Variants in LGALS16 observed in about 807,000 individuals in gnomAD.
LGALS16 encodes the protein galectin-16.
Under a neutral mutation model 13.2 loss-of-function variants are expected in LGALS16, and 15 were observed. The ratio of observed to expected loss-of-function variants is 1.13; its 90% confidence interval spans 0.76 to 1.75. LGALS16 has a LOEUF of 1.75. LGALS16 is among the 40% of genes most tolerant of loss of function. The pLI, the probability that LGALS16 is intolerant of heterozygous loss-of-function variation, is 0.00. For synonymous variants in LGALS16, 66 were observed against 65.4 expected (o/e 1.01, Z -0.05); for missense variants, 198 against 178.4 (o/e 1.11, Z -0.63).
At chr19:39,657,980 T>C (rs774741024) in intron 2 of LGALS16, 21 bp downstream of exon 2, 1 of 1,611,510 alleles carries the variant, frequency 6.2e-7, no homozygotes, top group South Asian at 1.1e-5. Context: ...CATGGTCCAA[T>C]GGAGGGGGTG....
At chr19:39,660,291 G>A (rs1377847468) in intron 3 of LGALS16, 104 bp from the exon 4 acceptor site, 1 of 1,121,160 alleles carries the variant, frequency 8.9e-7, no homozygotes, top group Admixed American at 2.2e-5. Flanking sequence ...TGTATAACTA[G>A]GAGTTTTCTT....
In LGALS16 at chr19:39,660,600, C is replaced by A; in HGVS notation, c.*80C>A. 1 of 1,220,890 alleles carries A rather than the reference C, an allele frequency of 8.2e-7. No individual in the cohort carries two copies. Among genetic ancestry groups the A allele is most frequent in the Non-Finnish European group, 1.2e-6 (1 of 866,728 alleles). 75.6% of individuals were successfully genotyped at this position (1,220,890 alleles called of 1,614,324 possible). ...GAGCCTGCTAACAGAATAATCCCTC[C>A]TCAACCCCTTCCCCTACACTTGGTC... On this transcript the variant is annotated 3_prime_UTR_variant, in exon 4 of 4. Coordinates refer to ENST00000392051, the MANE Select transcript of LGALS16 (RefSeq NM_001190441.3).
intron 2 of LGALS16, 65 bp from the exon 3 acceptor site, chr19:39,658,395 G>A (rs968572111): frequency 1.1e-5 from 14 of 1,298,884 alleles, no homozygotes; most frequent in Admixed American, 2.0e-5. Flanking sequence ...GGATTTGTGT[G>A]CGTGTCAAGT....
intron 1 of LGALS16, among the ~76,000 whole-genome samples, chr19:39,656,886 G>A (rs894005407): frequency 1.3e-5 from 2 of 151,816 alleles, no homozygotes; most frequent in Non-Finnish European, 2.9e-5. Flanking sequence ...TGTAAGCTAT[G>A]TCTCAACTGA....
At chr19:39,659,117 T>G (rs925246148) in intron 3 of LGALS16, among the ~76,000 whole-genome samples, 25 of 151,072 alleles carry the variant, frequency 1.7e-4, no homozygotes, top group African/African-American at 5.6e-4. Flanking sequence ...TTTTTTTTTT[T>G]GAGACAGAGA....
chr19:39,656,027 G>T, intron 1 of LGALS16, 51 bp downstream of exon 1: 1 of 1,585,226 alleles, frequency 6.3e-7, no homozygotes, highest in African/African-American at 1.3e-5. Context: ...ACAAAACCAA[G>T]AAAGATGTGG....
intron 1 of LGALS16, 129 bp from the exon 2 acceptor site, chr19:39,657,754 T>A: frequency 2.0e-6 from 2 of 1,001,484 alleles, no homozygotes; most frequent in South Asian, 2.8e-5. Context: ...CTGACTGTGG[T>A]AGAGTGAATG....
intron 1 of LGALS16, among the ~76,000 whole-genome samples, chr19:39,656,299 T>G (rs1020350023): frequency 2.6e-5 from 4 of 152,080 alleles, no homozygotes; most frequent in African/African-American, 7.2e-5. Flanking sequence ...AGGGGGGTGA[T>G]TGTACTTTGT....
chr19:39,657,137 C>A (rs937089946), intron 1 of LGALS16, among the ~76,000 whole-genome samples: 8 of 152,214 alleles, frequency 5.3e-5, no homozygotes, highest in African/African-American at 1.9e-4. Flanking sequence ...TGGCAGGCAC[C>A]TTTTGCCCCA....
rs960603706 is a variant in LGALS16, at chr19:39,660,285, T to C, written c.304-110T>C. On this transcript the variant is annotated intron_variant, in intron 3 of 3. Coordinates refer to ENST00000392051, the MANE Select transcript of LGALS16 (RefSeq NM_001190441.3). ...AGTGTATCTACAACATTCGCTTGTA[T>C]AACTAGGAGTTTTCTTGGGGAATGT... The C allele has an allele frequency of 5.7e-6, 6 of 1,058,608 alleles. No homozygotes were observed. The African/African-American group carries it at 6.3e-5, about 11-fold the overall frequency. 65.6% of individuals were successfully genotyped at this position (1,058,608 alleles called of 1,614,324 possible).
At position 39,656,617 on chromosome 19, in the gene LGALS16, T is replaced by C. The variant is rs528043811; in HGVS notation, c.15+641T>C. Among the ~76,000 whole-genome samples the C allele has an allele frequency of 2.0e-5, 3 of 152,196 alleles. No individual in the cohort carries two copies. The South Asian group carries it at 6.2e-4, about 32-fold the overall frequency. ...TGGAGATTGTGAGTTACCAAGGACT[T>C]GTTTCAGATCACTTATGAGAGCAGA... On this transcript the variant is annotated intron_variant, in intron 1 of 3. Transcript: ENST00000392051.
intron 3 of LGALS16, among the ~76,000 whole-genome samples, chr19:39,659,379 C>A (rs1000178545): frequency 6.6e-6 from 1 of 152,136 alleles, no homozygotes; most frequent in African/African-American, 2.4e-5. Flanking sequence ...CGTGCCAACC[C>A]CTTCAGAGGA....
rs771152415 is a variant in LGALS16 at position 39,658,463 on chromosome 19, C to T, written c.96C>T (p.Asn32=). 7.5e-5 allele frequency: 119 copies of T among 1,595,170 alleles called. No homozygotes were observed. Among genetic ancestry groups the T allele is most frequent in the East Asian group, 2.7e-4 (12 of 44,240 alleles). The change falls in exon 3 of 4, where the codon AAC becomes AAT. Residue 32 remains asparagine, a synonymous_variant. Transcript: ENST00000392051. ...IKGTLIDSSI[N]EPQLQVDFYT... The stretch of plus-strand genomic sequence containing the variant: ...ATGCTGTGTGCTTTGCCCTCAGCAA[C>T]GAACCACAGCTGCAGGTGGATTTCT...
At chr19:39,656,471 G>A (rs913919824) in intron 1 of LGALS16, among the ~76,000 whole-genome samples, 2 of 152,142 alleles carry the variant, frequency 1.3e-5, no homozygotes, top group South Asian at 2.1e-4. Flanking sequence ...GGGAAAACAC[G>A]CATGTGGCCT....
chr19:39,656,116 A>T, intron 1 of LGALS16, 140 bp downstream of exon 1: 1 of 890,350 alleles, frequency 1.1e-6, no homozygotes, highest in Non-Finnish European at 1.7e-6. Context: ...GAAGAGAAAC[A>T]CTGAGGCTGG....
At chr19:39,658,773 C>T (rs972445651) in intron 3 of LGALS16, 103 bp downstream of exon 3, 3 of 720,036 alleles carry the variant, frequency 4.2e-6, no homozygotes, top group East Asian at 2.7e-5. Flanking sequence ...GCCCATCTCC[C>T]GTAACTACCC....
chr19:39,656,289 AG>A (rs1350659585), intron 1 of LGALS16, among the ~76,000 whole-genome samples: 2 of 152,132 alleles, frequency 1.3e-5, no homozygotes, highest in African/African-American at 4.8e-5. Context: ...TGTGAGTGTA[AG>A]GGGGGTGATT....
chr19:39,657,492 T>G (rs1973207073), intron 1 of LGALS16, among the ~76,000 whole-genome samples: 1 of 152,090 alleles, frequency 6.6e-6, no homozygotes, highest in Admixed American at 6.5e-5. Context: ...AGGTCACCCC[T>G]AACAGGCCCT....
At position 39,657,977 on chromosome 19, in the gene LGALS16, C is replaced by T. The variant is rs763145350; in HGVS notation, c.92+18C>T. On this transcript the variant is annotated intron_variant, in intron 2 of 3. Coordinates refer to ENST00000392051, the MANE Select transcript of LGALS16 (RefSeq NM_001190441.3). ...TCTTCTATGTGAGTACTCCATGGTC[C>T]AATGGAGGGGGTGGAGGAGAAAGGA... 6.2e-7 allele frequency: 1 copy of T among 1,612,698 alleles called. No individual in the cohort carries two copies. Among genetic ancestry groups the T allele is most frequent in the Admixed American group, 1.7e-5 (1 of 60,018 alleles).
Sources: allele counts gnomAD v4.1 joint callset (sites outside exome capture counted in the v4.1 genomes callset), GRCh38; gene constraint gnomAD v4.1.1; transcripts MANE v1.5; gene names NCBI Gene and HGNC (gene_info 2026-07-23, HGNC 2026-07-21).